Variants in THSD7B observed in about 807,000 individuals in gnomAD.
THSD7B encodes thrombospondin type 1 domain containing 7B, also known as thrombospondin type-1 domain-containing protein 7B.
In THSD7B, 138 loss-of-function variants were observed where a neutral mutation model predicts 213.6. The observed-to-expected ratio is 0.65, with a 90% CI of 0.56 to 0.74. The LOEUF (loss-of-function observed/expected upper bound fraction) is 0.74, where lower values mean the gene tolerates loss of function less well. Ranked by LOEUF, THSD7B falls within the 30% of genes least tolerant of loss-of-function variation. The pLI is 0.00. For synonymous variants in THSD7B, 742 were observed against 687.0 expected (o/e 1.08, Z -1.25); for missense variants, 1,931 against 1,991.5 (o/e 0.97, Z 0.58).
intron 14 of THSD7B, among the ~76,000 whole-genome samples, chr2:137,445,251 T>C (rs568033211): frequency 6.6e-6 from 1 of 152,200 alleles, no homozygotes; most frequent in Non-Finnish European, 1.5e-5. Context: ...GCAATTTCAC[T>C]GCTGGGTATG....
intron 15 of THSD7B, among the ~76,000 whole-genome samples, chr2:137,487,109 C>T (rs546005653): frequency 3.3e-5 from 5 of 150,526 alleles, no homozygotes; most frequent in African/African-American, 1.3e-4. Context: ...TGGCTCACGC[C>T]TGTAATCCCA....
At chr2:137,227,184 G>A (rs1340588089) in intron 7 of THSD7B, among the ~76,000 whole-genome samples, 1 of 152,104 alleles carries the variant, frequency 6.6e-6, no homozygotes, top group East Asian at 1.9e-4. Flanking sequence ...CTTCAAAACA[G>A]TTAATTTTAT....
chr2:137,242,449 A>G lies in THSD7B; in HGVS notation c.2151-8A>G. ...AAAGGCATTGACATGGTCTTTTCAC[A>G]TTGACAGATGTCCAGATTCTACTCG... On this transcript the variant is annotated splice_polypyrimidine_tract_variant and splice_region_variant and intron_variant, in intron 9 of 27. Coordinates refer to ENST00000409968, the MANE Select transcript of THSD7B (RefSeq NM_001316349.2). 1 of 1,609,820 alleles carries G rather than the reference A, an allele frequency of 6.2e-7. No homozygotes were observed.
intron 17 of THSD7B, among the ~76,000 whole-genome samples, chr2:137,590,825 T>TACATAATA (rs887422727): frequency 2.2e-5 from 3 of 137,646 alleles, no homozygotes; most frequent in African/African-American, 5.6e-5. Context: ...GCTAAGGAGG[T>TACATAATA]ACATAATACC....
intron 12 of THSD7B, among the ~76,000 whole-genome samples, chr2:137,368,212 T>G (rs949823213): frequency 1.2e-4 from 18 of 152,092 alleles, no homozygotes; most frequent in Middle Eastern, 3.2e-3. Context: ...GGGATGGACT[T>G]TGGGTATATG....
chr2:137,433,622 G>C (rs566116471), intron 14 of THSD7B, among the ~76,000 whole-genome samples: 2 of 152,082 alleles, frequency 1.3e-5, no homozygotes, highest in East Asian at 3.9e-4. Context: ...TGAAAGTGCC[G>C]GGATTACAGG....
At chr2:137,225,218 T>A (rs1306108538) in intron 7 of THSD7B, among the ~76,000 whole-genome samples, 3 of 152,190 alleles carry the variant, frequency 2.0e-5, no homozygotes, top group Admixed American at 6.6e-5. Context: ...TATCACTTCC[T>A]CCCATCTCTT....
At chr2:137,398,771 T>A (rs565557056) in intron 12 of THSD7B, among the ~76,000 whole-genome samples, 28 of 152,290 alleles carry the variant, frequency 1.8e-4, no homozygotes, top group Admixed American at 6.5e-5. Flanking sequence ...GCCTCGCTGC[T>A]GCCTTGCAGT....
intron 15 of THSD7B, among the ~76,000 whole-genome samples, chr2:137,506,617 CACAG>C (rs1010132796): frequency 6.6e-6 from 1 of 152,176 alleles, no homozygotes; most frequent in African/African-American, 2.4e-5. Flanking sequence ...TGAAAAAGCC[CACAG>C]ACAGACTTCT....
At chr2:137,464,548 G>A (rs151163262) in intron 15 of THSD7B, among the ~76,000 whole-genome samples, 20 of 152,184 alleles carry the variant, frequency 1.3e-4, no homozygotes, top group African/African-American at 4.3e-4. Context: ...ATATTCATAA[G>A]GAAATTTCTG....
At chr2:137,337,462 C>T (rs62172680) in intron 12 of THSD7B, among the ~76,000 whole-genome samples, 1,702 of 152,160 alleles carry the variant, frequency 0.011, 9 homozygotes, top group Admixed American at 0.018. Context: ...TACATGATAT[C>T]AACATGTCTC....
intron 12 of THSD7B, among the ~76,000 whole-genome samples, chr2:137,321,945 C>T (rs979005508): frequency 9.2e-5 from 14 of 152,160 alleles, no homozygotes; most frequent in Non-Finnish European, 1.9e-4. Context: ...TTCTGTTTGT[C>T]ATAATGATTC....
chr2:136,914,186 G>A (rs1228010798), intron 2 of THSD7B, among the ~76,000 whole-genome samples: 3 of 152,238 alleles, frequency 2.0e-5, no homozygotes, highest in South Asian at 2.1e-4. Context: ...ACTGGATTTC[G>A]GACATACGTG....
chr2:137,323,219 G>A (rs528025897), intron 12 of THSD7B, among the ~76,000 whole-genome samples: 1 of 152,308 alleles, frequency 6.6e-6, no homozygotes, highest in Admixed American at 6.5e-5. Context: ...TATAAAGACA[G>A]TACAGTTAAC....
intron 12 of THSD7B, among the ~76,000 whole-genome samples, chr2:137,360,529 A>T (rs540797135): frequency 6.6e-6 from 1 of 152,260 alleles, no homozygotes; most frequent in African/African-American, 2.4e-5. Context: ...CACTATTCCA[A>T]AGGGCTTAGC....
At chr2:137,265,984 C>T (rs67638275) in intron 10 of THSD7B, among the ~76,000 whole-genome samples, 5,027 of 152,238 alleles carry the variant, frequency 0.033, 117 homozygotes, top group Middle Eastern at 0.058. Context: ...TTACCAGGAA[C>T]ATGGAATGGT....
intron 9 of THSD7B, 47 bp downstream of exon 9, chr2:137,233,180 G>A (rs1681682615): frequency 1.3e-6 from 2 of 1,527,318 alleles, no homozygotes; most frequent in African/African-American, 1.4e-5. Context: ...ATTTCATGTT[G>A]AGTATTTTTA....
At chr2:137,314,847 G>T (rs927739967) in intron 12 of THSD7B, among the ~76,000 whole-genome samples, 26 of 152,232 alleles carry the variant, frequency 1.7e-4, no homozygotes, top group Non-Finnish European at 2.8e-4. Context: ...ACCCACTTGA[G>T]GTGGCAGTCT....
At chr2:136,842,803 T>A (rs1682939102) in intron 1 of THSD7B, among the ~76,000 whole-genome samples, 1 of 152,222 alleles carries the variant, frequency 6.6e-6, no homozygotes, top group Non-Finnish European at 1.5e-5. Context: ...TTTGAGCAAA[T>A]AACTTAATCT....
Sources: allele counts gnomAD v4.1 joint callset (sites outside exome capture counted in the v4.1 genomes callset), GRCh38; gene constraint gnomAD v4.1.1; transcripts MANE v1.5; gene names NCBI Gene and HGNC (gene_info 2026-07-23, HGNC 2026-07-21).